NRG3: variants seen among roughly 807,000 people sequenced by gnomAD.
NRG3 encodes neuregulin 3, also known as pro-neuregulin-3, membrane-bound isoform.
Under a neutral mutation model 66.9 loss-of-function variants are expected in NRG3, and 31 were observed. The observed-to-expected ratio is 0.46, with a 90% CI of 0.35 to 0.63. The LOEUF is 0.63. Among genes scored for constraint, NRG3 ranks in the 20% least tolerant of loss-of-function variants. NRG3 has a pLI of 0.00. For synonymous variants in NRG3, 393 were observed against 359.4 expected (o/e 1.09, Z -1.06); for missense variants, 910 against 878.9 (o/e 1.04, Z -0.45).
At chr10:82,860,316 G>C (rs983919997) in intron 3 of NRG3, among the ~76,000 whole-genome samples, 1 of 152,140 alleles carries the variant, frequency 6.6e-6, no homozygotes, top group Non-Finnish European at 1.5e-5. Flanking sequence ...TCTGCCTGAG[G>C]ATACTTGAAA....
chr10:82,293,396 A>G (rs1306587386), intron 1 of NRG3, among the ~76,000 whole-genome samples: 1 of 152,292 alleles, frequency 6.6e-6, no homozygotes, highest in Non-Finnish European at 1.5e-5. Flanking sequence ...TAGAGAGGAG[A>G]GAACTGAGTG....
At chr10:81,907,595 A>G (rs931203598) in intron 1 of NRG3, among the ~76,000 whole-genome samples, 1 of 152,192 alleles carries the variant, frequency 6.6e-6, no homozygotes, top group Non-Finnish European at 1.5e-5. Context: ...TACTGAAACT[A>G]TCCCTAAAGG....
At chr10:81,937,810 A>G (rs1176593277) in intron 1 of NRG3, among the ~76,000 whole-genome samples, 1 of 152,094 alleles carries the variant, frequency 6.6e-6, no homozygotes, top group Non-Finnish European at 1.5e-5. Context: ...TAGCCAAGAA[A>G]TATCGCCAAA....
At chr10:82,601,709 C>A (rs1276840958) in intron 2 of NRG3, among the ~76,000 whole-genome samples, 1 of 151,014 alleles carries the variant, frequency 6.6e-6, no homozygotes. Context: ...GTAAGAAATG[C>A]ATTTTTTAAA....
chr10:82,120,944 A>G (rs2068050878), intron 1 of NRG3, among the ~76,000 whole-genome samples: 1 of 151,100 alleles, frequency 6.6e-6, no homozygotes, highest in Non-Finnish European at 1.5e-5. Flanking sequence ...CCTTTTTTTC[A>G]TTTGCTGAAA....
intron 2 of NRG3, among the ~76,000 whole-genome samples, chr10:82,656,311 T>TC (rs2051855734): frequency 2.0e-5 from 3 of 148,512 alleles, no homozygotes; most frequent in Non-Finnish European, 4.5e-5. Flanking sequence ...CTTTTTTCTT[T>TC]TTTTTTTTTT....
chr10:82,964,363 C>CAG lies in NRG3; in HGVS notation c.1284+5289_1284+5290dup, dbSNP rs199828690. 6.9e-3 allele frequency among the ~76,000 whole-genome samples: 1,050 copies of CAG among 152,266 alleles called. 11 individuals carry two copies. Among genetic ancestry groups the CAG allele is most frequent in the African/African-American group, 0.024 (994 of 41,532 alleles). ...AGTTCATATCAGACCAAGAATAGCTCAGCTCTCTAAAAAGGTGCAGTTAAC... is the reference window on the plus strand; with the variant it reads ...AGTTCATATCAGACCAAGAATAGCTCAGAGCTCTCTAAAAAGGTGCAGTTAAC... On this transcript the variant is annotated intron_variant, in intron 6 of 8. Coordinates refer to ENST00000372141, the MANE Select transcript of NRG3 (RefSeq NM_001010848.4).
chr10:82,579,495 G>C (rs983579270), intron 2 of NRG3, among the ~76,000 whole-genome samples: 1 of 151,852 alleles, frequency 6.6e-6, no homozygotes, highest in Non-Finnish European at 1.5e-5. Context: ...AACCTGTCAG[G>C]CTTTCACAAT....
intron 2 of NRG3, among the ~76,000 whole-genome samples, chr10:82,623,295 A>G (rs2133636632): frequency 6.6e-6 from 1 of 152,236 alleles, no homozygotes; most frequent in South Asian, 2.1e-4. Context: ...TTGGTCTCTG[A>G]GCCCCAGCCT....
chr10:82,809,366 C>CA (rs1188408349), intron 3 of NRG3, among the ~76,000 whole-genome samples: 1 of 151,308 alleles, frequency 6.6e-6, no homozygotes, highest in Admixed American at 6.6e-5. Flanking sequence ...ATCATTTATA[C>CA]AAAAAATATA....
chr10:82,567,544 T>C (rs2045484861), intron 2 of NRG3, among the ~76,000 whole-genome samples: 1 of 151,984 alleles, frequency 6.6e-6, no homozygotes, highest in South Asian at 2.1e-4. Flanking sequence ...TCTGTGTGTA[T>C]AGGTAGTTAC....
chr10:82,430,478 C>T (rs772802639), intron 2 of NRG3, among the ~76,000 whole-genome samples: 7 of 152,044 alleles, frequency 4.6e-5, no homozygotes, highest in African/African-American at 1.7e-4. Context: ...AGGATGGTCT[C>T]GATCTCCTGA....
At chr10:82,625,595 T>C (rs553689704) in intron 2 of NRG3, among the ~76,000 whole-genome samples, 1 of 152,266 alleles carries the variant, frequency 6.6e-6, no homozygotes, top group East Asian at 1.9e-4. Flanking sequence ...TCCTTGTCCT[T>C]GTTTTCCATC....
At chr10:82,302,776 G>A (rs887979832) in intron 1 of NRG3, among the ~76,000 whole-genome samples, 2 of 152,150 alleles carry the variant, frequency 1.3e-5, no homozygotes, top group East Asian at 1.9e-4. Context: ...AAGAAAGGAC[G>A]TTTGCCCCAA....
chr10:82,548,623 G>A (rs2132855440), intron 2 of NRG3, among the ~76,000 whole-genome samples: 1 of 151,840 alleles, frequency 6.6e-6, no homozygotes, highest in South Asian at 2.1e-4. Context: ...GCAGGACCTG[G>A]AAAAACAGAA....
chr10:82,756,866 C>T (rs1457802974), intron 3 of NRG3, among the ~76,000 whole-genome samples: 1 of 151,090 alleles, frequency 6.6e-6, no homozygotes, highest in African/African-American at 2.4e-5. Context: ...ATTTCATTGA[C>T]TCTTCTGAAC....
chr10:82,903,109 G>A (rs1223996293), intron 4 of NRG3, among the ~76,000 whole-genome samples: 2 of 152,034 alleles, frequency 1.3e-5, no homozygotes, highest in African/African-American at 2.4e-5. Context: ...CAGACCATAG[G>A]TGGCATCATT....
intron 8 of NRG3, among the ~76,000 whole-genome samples, chr10:82,983,577 A>G (rs1203890858): frequency 6.6e-6 from 1 of 152,212 alleles, no homozygotes; most frequent in South Asian, 2.1e-4. Flanking sequence ...ACACATACTA[A>G]AGATATAATT....
At chr10:82,098,319 TCATCTATATATATGA>T (rs1410992817) in intron 1 of NRG3, among the ~76,000 whole-genome samples, 2 of 150,236 alleles carry the variant, frequency 1.3e-5, no homozygotes, top group African/African-American at 2.5e-5. Flanking sequence ...GATATAGATG[TCATCTATATATATGA>T]CATATATATA....
Sources: allele counts gnomAD v4.1 joint callset (sites outside exome capture counted in the v4.1 genomes callset), GRCh38; gene constraint gnomAD v4.1.1; transcripts MANE v1.5; gene names NCBI Gene and HGNC (gene_info 2026-07-23, HGNC 2026-07-21).